The following SLC14A2 variants were observed in gnomAD, a reference collection of about 807,000 sequenced individuals.
SLC14A2 encodes solute carrier family 14 member 2.
A neutral mutation model predicts 104.6 loss-of-function variants in SLC14A2; 91 were observed. The ratio of observed to expected loss-of-function variants is 0.87; its 90% CI spans 0.73 to 1.04. The LOEUF (loss-of-function observed/expected upper bound fraction) is 1.04. SLC14A2 is among the 50% of genes least tolerant of loss of function. SLC14A2 has a pLI of 0.00. For missense variants in SLC14A2, 1,189 were observed against 1,156.0 expected (o/e 1.03, Z -0.41); for synonymous variants, 476 against 466.4 (o/e 1.02, Z -0.27).
chr18:45,409,798 G>T (rs1331517911), intron 1 of SLC14A2, among the ~76,000 whole-genome samples: 2 of 152,192 alleles, frequency 1.3e-5, no homozygotes, highest in African/African-American at 2.4e-5. Context: ...AGGCATCAGG[G>T]ACTGGTTGTG....
chr18:45,467,968 T>C (rs187142579), intron 1 of SLC14A2, among the ~76,000 whole-genome samples: 1 of 152,190 alleles, frequency 6.6e-6, no homozygotes, highest in African/African-American at 2.4e-5. Flanking sequence ...TCACCAGAAC[T>C]GCATCAGCAC....
At chr18:45,299,250 A>G (rs776713445) in intron 1 of SLC14A2, among the ~76,000 whole-genome samples, 10 of 152,230 alleles carry the variant, frequency 6.6e-5, no homozygotes, top group Admixed American at 3.3e-4. Context: ...AGAGAGTTCC[A>G]GCATCCTGCA....
upstream of SLC14A2, among the ~76,000 whole-genome samples, chr18:45,211,005 T>A (rs1166001803): frequency 1.3e-5 from 2 of 152,210 alleles, no homozygotes; most frequent in Non-Finnish European, 1.5e-5. Context: ...GAAATTTTAT[T>A]ACTAAAGGCA....
At chr18:45,514,716 T>C (rs962581210) in intron 2 of SLC14A2, among the ~76,000 whole-genome samples, 2 of 152,182 alleles carry the variant, frequency 1.3e-5, no homozygotes, top group South Asian at 2.1e-4. Context: ...ATGTGCAAGC[T>C]TTCATGCTAT....
At chr18:45,344,908 C>T (rs556166534) in intron 1 of SLC14A2, among the ~76,000 whole-genome samples, 1 of 152,298 alleles carries the variant, frequency 6.6e-6, no homozygotes, top group Non-Finnish European at 1.5e-5. Flanking sequence ...CCTAATTATC[C>T]AGCATGCAGA....
intron 2 of SLC14A2, among the ~76,000 whole-genome samples, chr18:45,488,994 T>G (rs536640306): frequency 1.3e-5 from 2 of 152,170 alleles, no homozygotes; most frequent in Admixed American, 1.3e-4. Flanking sequence ...ATATTATTTT[T>G]GAAAAAGATT....
chr18:45,638,676 T>C (rs2045465345), intron 6 of SLC14A2, among the ~76,000 whole-genome samples: 1 of 152,208 alleles, frequency 6.6e-6, no homozygotes, highest in South Asian at 2.1e-4. Flanking sequence ...AATCAATTCC[T>C]ATTTGTTAAG....
At chr18:45,604,576 G>A (rs2044839913) in intron 2 of SLC14A2, among the ~76,000 whole-genome samples, 1 of 152,204 alleles carries the variant, frequency 6.6e-6, no homozygotes, top group Non-Finnish European at 1.5e-5. Context: ...ATGGGGTCTA[G>A]TGAAACTCTG....
chr18:45,546,178 A>G (rs983061431), intron 2 of SLC14A2, among the ~76,000 whole-genome samples: 2 of 152,220 alleles, frequency 1.3e-5, no homozygotes, highest in Non-Finnish European at 2.9e-5. Context: ...TCCCAGCAAC[A>G]TGCCTATTAC....
intron 2 of SLC14A2, among the ~76,000 whole-genome samples, chr18:45,505,484 C>T (rs1422017540): frequency 6.6e-6 from 1 of 152,186 alleles, no homozygotes; most frequent in East Asian, 1.9e-4. Context: ...GGGTTTCTTG[C>T]TTCCTATGGG....
chr18:45,307,812 A>G (rs756882690), intron 1 of SLC14A2, among the ~76,000 whole-genome samples: 2 of 152,236 alleles, frequency 1.3e-5, no homozygotes, highest in African/African-American at 4.8e-5. Flanking sequence ...ATTGAATGCT[A>G]TATTAGTTAG....
At chr18:45,209,110 G>T (rs1246315947), upstream of SLC14A2, among the ~76,000 whole-genome samples, 26 of 149,696 alleles carry the variant, frequency 1.7e-4, no homozygotes, top group Admixed American at 1.6e-3. Context: ...GCTGAGGCGG[G>T]CGGATCATGA....
intron 1 of SLC14A2, among the ~76,000 whole-genome samples, chr18:45,274,444 A>G (rs1599634615): frequency 6.6e-6 from 1 of 152,156 alleles, no homozygotes; most frequent in African/African-American, 2.4e-5. Flanking sequence ...AGACTCAGCT[A>G]TAGATCTTTT....
chr18:45,634,120 C>T lies in SLC14A2; in HGVS notation c.650+1642C>T, dbSNP rs142660408. Among the ~76,000 whole-genome samples, 674 of 152,296 alleles carry T rather than the reference C, an allele frequency of 4.4e-3. 4 individuals are homozygous for T. Among genetic ancestry groups the T allele is most frequent in the South Asian group, 9.8e-3 (47 of 4,820 alleles). On this transcript the variant is annotated intron_variant, in intron 5 of 19. Coordinates refer to ENST00000255226, the MANE Select transcript of SLC14A2 (RefSeq NM_007163.4). Reference sequence around the variant, plus strand: ...GACAAAAAAACACTGAGCACCCCACCCTGGGCTCTGTGCTACTACTCCAGT... The same window carrying T: ...GACAAAAAAACACTGAGCACCCCACTCTGGGCTCTGTGCTACTACTCCAGT...
chr18:45,630,212 G>A (rs182346833), intron 4 of SLC14A2, among the ~76,000 whole-genome samples: 5 of 152,142 alleles, frequency 3.3e-5, no homozygotes, highest in Non-Finnish European at 7.3e-5. Flanking sequence ...GTTGCTGACA[G>A]GTCAGTGTCT....
chr18:45,666,819 A>T (rs2046032834), intron 12 of SLC14A2, 116 bp from the exon 13 acceptor site: 3 of 867,830 alleles, frequency 3.5e-6, no homozygotes, highest in Non-Finnish European at 5.4e-6. Context: ...TTAAACAGCA[A>T]TTTAATGAAA....
intron 1 of SLC14A2, among the ~76,000 whole-genome samples, chr18:45,327,194 A>G (rs886976601): frequency 6.6e-6 from 1 of 152,062 alleles, no homozygotes; most frequent in African/African-American, 2.4e-5. Flanking sequence ...ACAATTCCCT[A>G]TTATGAGCTA....
intron 1 of SLC14A2, among the ~76,000 whole-genome samples, chr18:45,314,307 T>C (rs1035477401): frequency 4.6e-5 from 7 of 152,198 alleles, no homozygotes; most frequent in Non-Finnish European, 8.8e-5. Flanking sequence ...CTCAGTGGAA[T>C]CTCCATAAAT....
intron 1 of SLC14A2, among the ~76,000 whole-genome samples, chr18:45,395,315 G>A (rs1328385396): frequency 6.6e-6 from 1 of 152,170 alleles, no homozygotes; most frequent in Non-Finnish European, 1.5e-5. Flanking sequence ...ATTTATATGA[G>A]TTATCTAAAG....
Sources: allele counts gnomAD v4.1 joint callset (sites outside exome capture counted in the v4.1 genomes callset), GRCh38; gene constraint gnomAD v4.1.1; transcripts MANE v1.5; gene names NCBI Gene and HGNC (gene_info 2026-07-23, HGNC 2026-07-21).